The following EFNA5 variants were observed in gnomAD, a reference collection of about 807,000 sequenced individuals.
EFNA5 encodes ephrin A5, also known as ephrin-A5.
Under a neutral mutation model 22.9 loss-of-function variants are expected in EFNA5, and 5 were observed. The observed-to-expected ratio is 0.22, with a 90% CI of 0.11 to 0.46. The LOEUF (loss-of-function observed/expected upper bound fraction) is 0.46, where lower values mean the gene tolerates loss of function less well. Among genes scored for constraint, EFNA5 ranks in the 20% least tolerant of loss-of-function variants. The pLI is 0.99. For missense variants in EFNA5, 237 were observed against 293.3 expected (o/e 0.81, Z 1.40); for synonymous variants, 113 against 112.2 (o/e 1.01, Z -0.04).
chr5:107,450,842 A>G (rs1306983256), intron 1 of EFNA5, among the ~76,000 whole-genome samples: 1 of 152,230 alleles, frequency 6.6e-6, no homozygotes, highest in Admixed American at 6.5e-5. Flanking sequence ...ATGTAATATT[A>G]AAAAGTCACA....
chr5:107,589,617 T>C (rs542316305), intron 1 of EFNA5, among the ~76,000 whole-genome samples: 29 of 152,294 alleles, frequency 1.9e-4, no homozygotes, highest in Middle Eastern at 3.4e-3. Flanking sequence ...ACCAACTTGT[T>C]TCCCTGCAGC....
intron 2 of EFNA5, among the ~76,000 whole-genome samples, chr5:107,416,146 A>C (rs926722001): frequency 6.6e-6 from 1 of 152,112 alleles, no homozygotes; most frequent in South Asian, 2.1e-4. Context: ...ATTCAATAGT[A>C]CTCTGCTTTG....
chr5:107,496,409 A>G (rs1015491406), intron 1 of EFNA5, among the ~76,000 whole-genome samples: 1 of 151,754 alleles, frequency 6.6e-6, no homozygotes, highest in Non-Finnish European at 1.5e-5. Context: ...ACAAGATCAG[A>G]GAGTCTCGTT....
chr5:107,582,306 C>A (rs958476992), intron 1 of EFNA5, among the ~76,000 whole-genome samples: 7 of 152,290 alleles, frequency 4.6e-5, no homozygotes, highest in Admixed American at 1.3e-4. Context: ...TTTTAAACTA[C>A]TTGTATTCAT....
intron 1 of EFNA5, among the ~76,000 whole-genome samples, chr5:107,449,432 T>TCG (rs1749491007): frequency 1.3e-5 from 2 of 151,876 alleles, no homozygotes; most frequent in South Asian, 2.1e-4. Flanking sequence ...AGGGACACTT[T>TCG]AGGTGATGAC....
At chr5:107,482,780 T>C (rs1272802074) in intron 1 of EFNA5, among the ~76,000 whole-genome samples, 1 of 151,294 alleles carries the variant, frequency 6.6e-6, no homozygotes, top group Non-Finnish European at 1.5e-5. Context: ...CTCTGTAACC[T>C]CTTTCTTTTT....
At chr5:107,424,198 ATTTTTTTTTTTT>A (rs70996959) in intron 2 of EFNA5, among the ~76,000 whole-genome samples, 7 of 95,706 alleles carry the variant, frequency 7.3e-5, no homozygotes, top group Non-Finnish European at 2.0e-5. Context: ...TCTTTCTTTC[ATTTTTTTTTTTT>A]TTTTTTTTTT....
At chr5:107,413,958 G>A (rs1357874408) in intron 2 of EFNA5, among the ~76,000 whole-genome samples, 5 of 152,064 alleles carry the variant, frequency 3.3e-5, no homozygotes. Flanking sequence ...CACAAAGACT[G>A]CCATTTCTCA....
intron 2 of EFNA5, among the ~76,000 whole-genome samples, chr5:107,399,339 G>A (rs1204153778): frequency 2.8e-5 from 4 of 145,282 alleles, no homozygotes; most frequent in African/African-American, 7.7e-5. Flanking sequence ...GGAAAGGAAA[G>A]GAAAGGAAAG....
chr5:107,466,585 C>T (rs1227157356), intron 1 of EFNA5, among the ~76,000 whole-genome samples: 1 of 152,104 alleles, frequency 6.6e-6, no homozygotes, highest in Non-Finnish European at 1.5e-5. Flanking sequence ...CTCGCGAGAT[C>T]GACTTAGAGA....
At chr5:107,606,683 T>C (rs956916702) in intron 1 of EFNA5, among the ~76,000 whole-genome samples, 1 of 152,042 alleles carries the variant, frequency 6.6e-6, no homozygotes, top group Non-Finnish European at 1.5e-5. Flanking sequence ...AATTTCCTCT[T>C]CCATAAAATC....
chr5:107,545,858 CT>C (rs1748135538), intron 1 of EFNA5, among the ~76,000 whole-genome samples: 1 of 152,136 alleles, frequency 6.6e-6, no homozygotes, highest in Admixed American at 6.5e-5. Flanking sequence ...AACACTGTCT[CT>C]TGTGTCCTAA....
intron 1 of EFNA5, among the ~76,000 whole-genome samples, chr5:107,581,320 C>T (rs34052514): frequency 1.3e-5 from 2 of 152,050 alleles, no homozygotes; most frequent in Non-Finnish European, 1.5e-5. Flanking sequence ...AACTTTCATT[C>T]CCTTTGTGAT....
At chr5:107,659,171 T>C (rs980462245) in intron 1 of EFNA5, among the ~76,000 whole-genome samples, 1 of 152,346 alleles carries the variant, frequency 6.6e-6, no homozygotes, top group East Asian at 1.9e-4. Context: ...TGATAACTTT[T>C]AGATATTCAA....
chr5:107,472,645 A>G (rs570304671), intron 1 of EFNA5, among the ~76,000 whole-genome samples: 1 of 152,326 alleles, frequency 6.6e-6, no homozygotes, highest in African/African-American at 2.4e-5. Context: ...GCCTCCCAGG[A>G]CAGTGGGACT....
intron 1 of EFNA5, among the ~76,000 whole-genome samples, chr5:107,524,590 T>C (rs11952068): frequency 0.038 from 5,849 of 152,284 alleles, 348 homozygotes; most frequent in African/African-American, 0.13. Flanking sequence ...GGTCTAATGA[T>C]GCTAGCCATA....
chr5:107,384,195 T>C (rs1334084498), intron 4 of EFNA5, among the ~76,000 whole-genome samples: 1 of 152,116 alleles, frequency 6.6e-6, no homozygotes, highest in Non-Finnish European at 1.5e-5. Context: ...CACCTAAACA[T>C]GAGAGAATTT....
chr5:107,661,362 T>C (rs554461703), intron 1 of EFNA5, among the ~76,000 whole-genome samples: 1 of 152,230 alleles, frequency 6.6e-6, no homozygotes, highest in Middle Eastern at 3.4e-3. Flanking sequence ...GTGAGAAACT[T>C]AAAATGAAAA....
chr5:107,516,329 T>A (rs151307448), intron 1 of EFNA5, among the ~76,000 whole-genome samples: 1 of 152,170 alleles, frequency 6.6e-6, no homozygotes, highest in East Asian at 1.9e-4. Flanking sequence ...TGAGCCACCA[T>A]GCCTGGTTGA....
Sources: gnomAD v4.1 joint callset for allele counts (sites outside exome capture counted in the v4.1 genomes callset) on GRCh38, gnomAD v4.1.1 for gene constraint, MANE v1.5 for transcripts, NCBI Gene and HGNC (gene_info 2026-07-23, HGNC 2026-07-21) for gene names.